TMEM51: variants seen among roughly 807,000 people sequenced by gnomAD.
TMEM51 encodes the protein transmembrane protein 51, also known as chromosome 1 open reading frame 72.
Under a neutral mutation model 13.6 loss-of-function variants are expected in TMEM51, and 8 were observed. The ratio of observed to expected loss-of-function variants is 0.59; its 90% CI spans 0.35 to 1.07. The LOEUF (loss-of-function observed/expected upper bound fraction) is 1.07, where lower values mean the gene tolerates loss of function less well. TMEM51 is among the 50% of genes least tolerant of loss of function. The probability of loss-of-function intolerance (pLI) is 0.02; values close to 1 mark genes in which losing one functional copy is unlikely to be tolerated. For missense variants in TMEM51, 279 were observed against 330.7 expected (o/e 0.84, Z 1.21); for synonymous variants, 147 against 144.4 (o/e 1.02, Z -0.13).
upstream of TMEM51, among the ~76,000 whole-genome samples, chr1:15,153,088 G>T (rs889362774): frequency 6.6e-6 from 1 of 152,222 alleles, no homozygotes; most frequent in South Asian, 2.1e-4. Context: ...CCACGCATCG[G>T]GTGGGGACCC....
At chr1:15,156,215 G>T (rs1000766328) in intron 1 of TMEM51, among the ~76,000 whole-genome samples, 1 of 152,176 alleles carries the variant, frequency 6.6e-6, no homozygotes, top group Non-Finnish European at 1.5e-5. Flanking sequence ...TCTCCGGCTC[G>T]CTGGCTCCAG....
intron 1 of TMEM51, among the ~76,000 whole-genome samples, chr1:15,169,576 C>A (rs908832469): frequency 1.3e-4 from 20 of 152,276 alleles, no homozygotes; most frequent in African/African-American, 4.8e-4. Context: ...CTGCTCATTG[C>A]AGGGAGGAAG....
chr1:15,183,691 G>A (rs1294129593), intron 1 of TMEM51, among the ~76,000 whole-genome samples: 2 of 152,174 alleles, frequency 1.3e-5, no homozygotes, highest in African/African-American at 4.8e-5. Context: ...GCTTACACCA[G>A]GGATGTGGGC....
At chr1:15,175,405 A>C (rs1643425906) in intron 1 of TMEM51, among the ~76,000 whole-genome samples, 1 of 152,146 alleles carries the variant, frequency 6.6e-6, no homozygotes, top group Non-Finnish European at 1.5e-5. Flanking sequence ...CATCTCAACA[A>C]ATAAATAAAT....
chr1:15,178,248 G>T (rs1643509174), intron 1 of TMEM51, among the ~76,000 whole-genome samples: 1 of 151,964 alleles, frequency 6.6e-6, no homozygotes, highest in South Asian at 2.1e-4. Flanking sequence ...GAGGAGTAGA[G>T]CGGTCCCTTC....
intron 1 of TMEM51, among the ~76,000 whole-genome samples, chr1:15,173,016 A>C (rs1643339705): frequency 6.6e-6 from 1 of 152,150 alleles, no homozygotes; most frequent in Non-Finnish European, 1.5e-5. Flanking sequence ...TCAGCTGTTA[A>C]ATGGGCTCAA....
chr1:15,166,748 CAG>C (rs1208592012), intron 1 of TMEM51, among the ~76,000 whole-genome samples: 1 of 151,972 alleles, frequency 6.6e-6, no homozygotes, highest in African/African-American at 2.4e-5. Flanking sequence ...AATACTCGCC[CAG>C]CATTGTATTT....
chr1:15,173,097 ATAT>A (rs1398299476), intron 1 of TMEM51, among the ~76,000 whole-genome samples: 1 of 152,092 alleles, frequency 6.6e-6, no homozygotes, highest in African/African-American at 2.4e-5. Flanking sequence ...GGCAGGTGAA[ATAT>A]TATTGTGCTT....
intron 1 of TMEM51, among the ~76,000 whole-genome samples, chr1:15,165,784 A>C (rs925478004): frequency 1.3e-5 from 2 of 152,216 alleles, no homozygotes; most frequent in African/African-American, 4.8e-5. Context: ...CAACCACTAA[A>C]AATTCCAGTA....
intron 1 of TMEM51, among the ~76,000 whole-genome samples, chr1:15,169,407 A>G (rs1485124584): frequency 6.6e-6 from 1 of 151,980 alleles, no homozygotes; most frequent in Non-Finnish European, 1.5e-5. Flanking sequence ...CTTTGTCTTC[A>G]GTTGAGAATT....
intron 1 of TMEM51, chr1:15,171,111 CGCCACATCCCCCA>C: frequency 9.0e-7 from 1 of 1,110,828 alleles, no homozygotes; most frequent in Non-Finnish European, 1.2e-6. Flanking sequence ...CTCCACCCCC[CGCCACATCCCCCA>C]CCCCCAGTTG....
At chr1:15,164,651 T>C (rs1037101828) in intron 1 of TMEM51, among the ~76,000 whole-genome samples, 3 of 152,038 alleles carry the variant, frequency 2.0e-5, no homozygotes, top group African/African-American at 4.8e-5. Flanking sequence ...GGCAACATTA[T>C]AAAAGAGATT....
At chr1:15,157,613 G>A (rs1472790678) in intron 1 of TMEM51, among the ~76,000 whole-genome samples, 5 of 152,172 alleles carry the variant, frequency 3.3e-5, no homozygotes, top group South Asian at 2.1e-4. Flanking sequence ...TGTGGCATCC[G>A]TGGTGACATG....
At chr1:15,174,734 G>T (rs1643401363) in intron 1 of TMEM51, among the ~76,000 whole-genome samples, 1 of 152,128 alleles carries the variant, frequency 6.6e-6, no homozygotes, top group African/African-American at 2.4e-5. Context: ...TTAAGACCCA[G>T]CAGTGTTCAA....
intron 2 of TMEM51, among the ~76,000 whole-genome samples, chr1:15,211,397 A>G (rs1196496182): frequency 3.3e-5 from 5 of 152,160 alleles, no homozygotes; most frequent in Non-Finnish European, 7.3e-5. Context: ...CTTGTGGGTG[A>G]TCTTACCCCA....
Position 15,177,789 on chromosome 1 carries a change from T to C in TMEM51, c.-267+23835T>C, listed in dbSNP as rs140543795. On this transcript the variant is annotated intron_variant, in intron 1 of 3. Coordinates refer to ENST00000376008, the MANE Select transcript of TMEM51 (RefSeq NM_001136218.2). ...AAACCTCAGAGAATGGGTTGCAGAA[T>C]ATTTCCCAGGTTATCAGTGGTCACC... Among the ~76,000 whole-genome samples, 198 of 152,284 alleles carry C rather than the reference T, an allele frequency of 1.3e-3. 1 individual carries two copies. The highest frequency in any genetic ancestry group is 4.6e-3 in the African/African-American group (193 of 41,564).
intron 1 of TMEM51, among the ~76,000 whole-genome samples, chr1:15,206,240 A>C (rs898155728): frequency 4.1e-5 from 6 of 146,022 alleles, no homozygotes; most frequent in African/African-American, 1.5e-4. Flanking sequence ...AAAAAAAAAA[A>C]AAAAAAGAGA....
chr1:15,219,482 C>T lies in TMEM51; in HGVS notation c.501C>T (p.Leu167=), dbSNP rs746879322. ...SLPSYESLTG[L]DETTPTSTRA... Reference sequence around the variant, plus strand: ...CGTCCTATGAGTCACTGACGGGGCTCGACGAGACCACCCCCACATCCACCA... The same window carrying T: ...CGTCCTATGAGTCACTGACGGGGCTTGACGAGACCACCCCCACATCCACCA... The change falls in exon 4 of 4, where the codon CTC becomes CTT. Residue 167 remains leucine, a synonymous_variant. Coordinates refer to ENST00000376008, the MANE Select transcript of TMEM51 (RefSeq NM_001136218.2). 76 of 1,613,982 alleles carry T rather than the reference C, an allele frequency of 4.7e-5. No individual in the cohort carries two copies. Among genetic ancestry groups the T allele is most frequent in the Admixed American group, 2.2e-4 (13 of 59,994 alleles).
intron 1 of TMEM51, among the ~76,000 whole-genome samples, chr1:15,209,993 T>G (rs4077309): frequency 0.4 from 60,739 of 151,262 alleles, 12,666 homozygotes; most frequent in East Asian, 0.61. Context: ...ATCACACCAC[T>G]GCATTCCAGC....
Sources: allele counts gnomAD v4.1 joint callset (sites outside exome capture counted in the v4.1 genomes callset), GRCh38; gene constraint gnomAD v4.1.1; transcripts MANE v1.5; gene names NCBI Gene and HGNC (gene_info 2026-07-23, HGNC 2026-07-21).